PPP1R3A: variants seen among roughly 807,000 people sequenced by gnomAD.
PPP1R3A encodes the protein protein phosphatase 1 regulatory subunit 3A.
A neutral mutation model predicts 41.7 loss-of-function variants in PPP1R3A; 29 were observed. The ratio of observed to expected loss-of-function variants is 0.70; its 90% CI spans 0.52 to 0.95. PPP1R3A has a LOEUF of 0.95. PPP1R3A is among the 40% of genes least tolerant of loss of function. The pLI is 0.00. For missense variants in PPP1R3A, 1,352 were observed against 1,292.4 expected (o/e 1.05, Z -0.71); for synonymous variants, 485 against 453.4 (o/e 1.07, Z -0.89).
At chr7:113,917,343 G>A (rs1250604873) in intron 1 of PPP1R3A, among the ~76,000 whole-genome samples, 1 of 151,904 alleles carries the variant, frequency 6.6e-6, no homozygotes, top group Non-Finnish European at 1.5e-5. Context: ...GAGCAGAAGG[G>A]GTCTCACTTC....
chr7:113,882,595 T>C lies in PPP1R3A; in HGVS notation c.783-275A>G, dbSNP rs547723658. Among the ~76,000 whole-genome samples the C allele has an allele frequency of 5.9e-5, 9 of 152,078 alleles. No homozygotes were observed. The East Asian group carries it at 1.7e-3, about 29-fold the overall frequency. On this transcript the variant is annotated intron_variant, in intron 1 of 3. Transcript: ENST00000284601. The stretch of plus-strand genomic sequence containing the variant: ...ATTTCTTAATATTTAAGAAAATATA[T>C]TAAAACTTATATAACCAAAGTAAAA...
At chr7:113,905,074 C>T (rs1057459661) in intron 1 of PPP1R3A, among the ~76,000 whole-genome samples, 6 of 151,284 alleles carry the variant, frequency 4.0e-5, no homozygotes, top group Admixed American at 4.0e-4. Context: ...CAATGAAGTT[C>T]GCATGAGTAT....
chr7:113,906,612 T>G (rs1213710430), intron 1 of PPP1R3A, among the ~76,000 whole-genome samples: 1 of 151,808 alleles, frequency 6.6e-6, no homozygotes, highest in Non-Finnish European at 1.5e-5. Context: ...TTAAAAATCA[T>G]GAAAACAATA....
In PPP1R3A at chr7:113,878,047, G is replaced by A; in HGVS notation, c.3045C>T (p.Asn1015=). Reference sequence around the variant, plus strand: ...CTTCTTCCATATTCTCAAGAGGTTTGTTGATTAAAATCATTGGCCCTAGAG... The same window carrying A: ...CTTCTTCCATATTCTCAAGAGGTTTATTGATTAAAATCATTGGCCCTAGAG... ...EKSLGPMILI[N]KPLENMEEAR... is the part of the protein sequence containing the mutation. The change falls in exon 4 of 4, where the codon AAC becomes AAT. Residue 1015 remains asparagine (N), a synonymous_variant. Coordinates refer to ENST00000284601, the MANE Select transcript of PPP1R3A (RefSeq NM_002711.4). 1.2e-6 allele frequency: 2 copies of A among 1,613,188 alleles called. No homozygotes were observed. Among genetic ancestry groups the A allele is most frequent in the Middle Eastern group, 1.6e-4 (1 of 6,062 alleles).
intron 1 of PPP1R3A, among the ~76,000 whole-genome samples, chr7:113,908,740 C>A (rs1362836232): frequency 6.6e-6 from 1 of 151,670 alleles, no homozygotes; most frequent in Non-Finnish European, 1.5e-5. Context: ...ATGGAGTGAA[C>A]CTAAGTGTCC....
intron 1 of PPP1R3A, among the ~76,000 whole-genome samples, chr7:113,888,495 G>A (rs541003992): frequency 1.3e-5 from 2 of 152,102 alleles, no homozygotes; most frequent in African/African-American, 4.8e-5. Flanking sequence ...AACCTCAGCC[G>A]CATTCATCAG....
At chr7:113,916,903 C>A (rs898611862) in intron 1 of PPP1R3A, among the ~76,000 whole-genome samples, 59 of 152,010 alleles carry the variant, frequency 3.9e-4, no homozygotes, top group Admixed American at 6.6e-4. Flanking sequence ...TGATTTAGAC[C>A]AAGAAAGTTG....
At chr7:113,908,555 A>G (rs1797184425) in intron 1 of PPP1R3A, among the ~76,000 whole-genome samples, 1 of 152,006 alleles carries the variant, frequency 6.6e-6, no homozygotes, top group African/African-American at 2.4e-5. Context: ...TATATATTCA[A>G]ATAATTTCTG....
chr7:113,918,091 A>T, intron 1 of PPP1R3A, 124 bp downstream of exon 1: 1 of 941,970 alleles, frequency 1.1e-6, no homozygotes, highest in Non-Finnish European at 1.6e-6. Context: ...GCCTGGCACC[A>T]TTGTTTTTTA....
At position 113,879,919 on chromosome 7, in the gene PPP1R3A, A is replaced by G. The variant is rs1486899753; in HGVS notation, c.1173T>C (p.Asn391=). 1.9e-6 allele frequency: 3 copies of G among 1,613,412 alleles called. No individual in the cohort carries two copies. The East Asian group carries it at 6.7e-5, about 36-fold the overall frequency. The part of the protein sequence containing the change: ...ESSVKGDFYC[N]EKYSSGDDCT... ...AGTCATCTCCTGAGGAATATTTTTC[A>G]TTGCAGTAAAAATCTCCCTTTACGG... Residue 391 remains asparagine, a synonymous_variant, in exon 4 of 4, where the codon AAT becomes AAC. Coordinates refer to ENST00000284601, the MANE Select transcript of PPP1R3A (RefSeq NM_002711.4).
At chr7:113,898,118 G>A (rs1388959046) in intron 1 of PPP1R3A, among the ~76,000 whole-genome samples, 1 of 151,824 alleles carries the variant, frequency 6.6e-6, no homozygotes, top group African/African-American at 2.4e-5. Context: ...ATAAAATTCA[G>A]CATGTGTTCA....
In PPP1R3A at chr7:113,877,472, A is replaced by C; in HGVS notation, c.*251T>G. 2.6e-5 allele frequency: 9 copies of C among 342,182 alleles called. No homozygotes were observed. The highest frequency in any genetic ancestry group is 4.7e-5 in the East Asian group (1 of 21,482). The allele number at this position is 342,182 out of a possible 1,614,324, so 21.2% of individuals were successfully genotyped here. A position where few individuals can be genotyped will look rare whatever the true frequency, so the allele number is the denominator to read the frequency against. On this transcript the variant is annotated 3_prime_UTR_variant, in exon 4 of 4. Transcript: ENST00000284601. ...CAACTTCATAGCCTGCTAAGGAGCA[A>C]CAGCTGTACCTAATTTCAACTTGAC...
At chr7:113,898,863 A>G (rs1338436712) in intron 1 of PPP1R3A, among the ~76,000 whole-genome samples, 1 of 151,834 alleles carries the variant, frequency 6.6e-6, no homozygotes, top group East Asian at 1.9e-4. Context: ...AAAAGGGCTT[A>G]TAAGTGTAAA....
At chr7:113,904,922 T>C (rs1797120465) in intron 1 of PPP1R3A, among the ~76,000 whole-genome samples, 1 of 151,564 alleles carries the variant, frequency 6.6e-6, no homozygotes, top group Admixed American at 6.6e-5. Context: ...AACAACAAAA[T>C]GTATCAATAA....
intron 3 of PPP1R3A, among the ~76,000 whole-genome samples, chr7:113,881,358 A>C (rs1796693265): frequency 1.3e-5 from 2 of 152,040 alleles, no homozygotes; most frequent in Admixed American, 6.6e-5. Flanking sequence ...ACAGTAAAGG[A>C]TAAATTGCAT....
At chr7:113,904,993 A>G (rs2129119149) in intron 1 of PPP1R3A, among the ~76,000 whole-genome samples, 1 of 151,792 alleles carries the variant, frequency 6.6e-6, no homozygotes, top group South Asian at 2.1e-4. Flanking sequence ...AAAATAAAAT[A>G]CTTACAAACA....
chr7:113,883,654 C>A (rs1170668041), intron 1 of PPP1R3A, among the ~76,000 whole-genome samples: 1 of 151,782 alleles, frequency 6.6e-6, no homozygotes, highest in Admixed American at 6.6e-5. Context: ...TTACGAAATC[C>A]AACTGCAGGC....
At chr7:113,910,054 A>C (rs1196208109) in intron 1 of PPP1R3A, among the ~76,000 whole-genome samples, 1 of 152,062 alleles carries the variant, frequency 6.6e-6, no homozygotes, top group East Asian at 1.9e-4. Flanking sequence ...ATCTTACATG[A>C]CAGCAGGCAA....
At chr7:113,882,897 T>C (rs986603606) in intron 1 of PPP1R3A, among the ~76,000 whole-genome samples, 2 of 152,064 alleles carry the variant, frequency 1.3e-5, no homozygotes, top group African/African-American at 4.8e-5. Context: ...GCTAAATTTA[T>C]ACTCAGTTAA....
Sources: allele counts gnomAD v4.1 joint callset (sites outside exome capture counted in the v4.1 genomes callset), GRCh38; gene constraint gnomAD v4.1.1; transcripts MANE v1.5; gene names NCBI Gene and HGNC (gene_info 2026-07-23, HGNC 2026-07-21).